PLXNA4: variants seen among roughly 807,000 people sequenced by gnomAD.
PLXNA4 encodes plexin A4.
Under a neutral mutation model 191.8 loss-of-function variants are expected in PLXNA4, and 44 were observed. The observed-to-expected ratio is 0.23, with a 90% CI of 0.18 to 0.29. PLXNA4 has a LOEUF of 0.29. Ranked by LOEUF, PLXNA4 falls within the 10% of genes least tolerant of loss-of-function variation. The pLI is 1.00. For synonymous variants in PLXNA4, 1,082 were observed against 1,009.5 expected (o/e 1.07, Z -1.36); for missense variants, 1,800 against 2,488.8 (o/e 0.72, Z 5.89).
intron 1 of PLXNA4, among the ~76,000 whole-genome samples, chr7:132,514,761 T>C (rs1178468448): frequency 6.6e-6 from 1 of 151,848 alleles, no homozygotes; most frequent in Non-Finnish European, 1.5e-5. Flanking sequence ...GCCTCCAAAA[T>C]TGTGTGAGCC....
At chr7:132,501,344 G>C (rs1367545486) in intron 2 of PLXNA4, among the ~76,000 whole-genome samples, 2 of 152,196 alleles carry the variant, frequency 1.3e-5, no homozygotes, top group African/African-American at 4.8e-5. Flanking sequence ...GTACGCCACT[G>C]TGCTCGGGCT....
At chr7:132,160,320 T>C (rs1795912434) in intron 24 of PLXNA4, among the ~76,000 whole-genome samples, 1 of 152,232 alleles carries the variant, frequency 6.6e-6, no homozygotes, top group African/African-American at 2.4e-5. Flanking sequence ...ATAGGGCCCC[T>C]GTGTTGGGGG....
intron 3 of PLXNA4, among the ~76,000 whole-genome samples, chr7:132,488,166 C>T (rs1444648656): frequency 6.6e-6 from 1 of 152,214 alleles, no homozygotes. Context: ...TCCCAAGTCA[C>T]AAACACACTC....
chr7:132,213,586 A>G (rs1204786000), intron 9 of PLXNA4, among the ~76,000 whole-genome samples: 2 of 152,164 alleles, frequency 1.3e-5, no homozygotes, highest in Non-Finnish European at 2.9e-5. Flanking sequence ...TACTCTAGCA[A>G]GGTGGGAATG....
At chr7:132,272,650 CAA>C (rs1407022292) in intron 4 of PLXNA4, among the ~76,000 whole-genome samples, 1 of 152,110 alleles carries the variant, frequency 6.6e-6, no homozygotes, top group Non-Finnish European at 1.5e-5. Flanking sequence ...AATTGTTGCC[CAA>C]CTCTTCAGTC....
At chr7:132,178,453 C>T (rs1796549776) in intron 20 of PLXNA4, among the ~76,000 whole-genome samples, 1 of 152,184 alleles carries the variant, frequency 6.6e-6, no homozygotes, top group African/African-American at 2.4e-5. Flanking sequence ...CACCAAGCGC[C>T]TCCAACATTC....
At chr7:132,247,433 C>A (rs1411256375) in intron 4 of PLXNA4, among the ~76,000 whole-genome samples, 1 of 152,146 alleles carries the variant, frequency 6.6e-6, no homozygotes, top group East Asian at 1.9e-4. Flanking sequence ...CAAGATGACC[C>A]ATTAAGAAAC....
chr7:132,347,888 C>T (rs1447561879), intron 3 of PLXNA4, among the ~76,000 whole-genome samples: 3 of 152,170 alleles, frequency 2.0e-5, no homozygotes, highest in South Asian at 2.1e-4. Flanking sequence ...ATGCTACCAG[C>T]GTGTTCATTG....
At chr7:132,282,947 G>A (rs999867824) in intron 4 of PLXNA4, among the ~76,000 whole-genome samples, 1 of 152,056 alleles carries the variant, frequency 6.6e-6, no homozygotes, top group African/African-American at 2.4e-5. Context: ...CACCATCACA[G>A]CTCACTGCAG....
At chr7:132,268,361 A>G (rs1799933044) in intron 4 of PLXNA4, among the ~76,000 whole-genome samples, 1 of 152,232 alleles carries the variant, frequency 6.6e-6, no homozygotes, top group Non-Finnish European at 1.5e-5. Context: ...AATACCATGC[A>G]TGACAGTTTC....
rs749077447 is a variant in PLXNA4, at chr7:132,129,675, A to G, written c.*804T>C. On this transcript the variant is annotated 3_prime_UTR_variant, in exon 32 of 32. Transcript: ENST00000321063. ...CTCTTTCCTTTTCTCCCCCTGTGTT[A>G]CATTTCTGCTACTAGGATTCAGATG... The G allele has an allele frequency of 2.6e-5, 4 of 152,620 alleles. No individual in the cohort carries two copies. Among genetic ancestry groups the G allele is most frequent in the Non-Finnish European group, 5.9e-5 (4 of 68,036 alleles). 9.5% of individuals were successfully genotyped at this position (152,620 alleles called of 1,614,324 possible). A position where few individuals can be genotyped will look rare whatever the true frequency, so the allele number is the denominator to read the frequency against.
At chr7:132,183,223 C>T (rs771269617) in intron 16 of PLXNA4, among the ~76,000 whole-genome samples, 3 of 152,134 alleles carry the variant, frequency 2.0e-5, no homozygotes, top group Non-Finnish European at 2.9e-5. Context: ...CACGCATGTG[C>T]GTGCACACAC....
intron 1 of PLXNA4, among the ~76,000 whole-genome samples, chr7:132,562,738 TCTCCTC>T (rs1460927794): frequency 1.5e-5 from 1 of 68,594 alleles, no homozygotes; most frequent in African/African-American, 6.4e-5. Context: ...TCCTCCTCCT[TCTCCTC>T]CTCCTTCTCC....
intron 2 of PLXNA4, among the ~76,000 whole-genome samples, chr7:132,612,939 A>T (rs1468692591): frequency 1.3e-5 from 2 of 152,140 alleles, no homozygotes; most frequent in African/African-American, 4.8e-5. Context: ...TCGTAAGAAT[A>T]TATATACATT....
In PLXNA4 at chr7:132,508,989, C is replaced by T. The variant is rs535115808; in HGVS notation, c.-86-210G>A. Among the ~76,000 whole-genome samples the T allele has an allele frequency of 5.4e-5, 8 of 146,832 alleles. No individual in the cohort carries two copies. In the South Asian group the frequency reaches 6.9e-4, roughly 13 times the overall value. On this transcript the variant is annotated intron_variant, in intron 1 of 31. Transcript: ENST00000321063. The surrounding 1 kb of genome is among the most constrained non-coding windows in gnomAD (Gnocchi z 4.4). The stretch of plus-strand genomic sequence containing the variant: ...CAGCCCCAGGAGGACACATCAGTAA[C>T]GATAATGGTGGTGATGATAATGACA...
intron 2 of PLXNA4, among the ~76,000 whole-genome samples, chr7:132,635,309 C>A (rs996293399): frequency 4.0e-5 from 6 of 151,702 alleles, no homozygotes; most frequent in African/African-American, 1.5e-4. Flanking sequence ...TCATAGCGTA[C>A]TTAGTTTTGC....
Position 132,349,808 on chromosome 7 carries a change from C to G in PLXNA4, c.1372-51586G>C, listed in dbSNP as rs150145503. Among the ~76,000 whole-genome samples, 1,103 of 152,262 alleles carry G rather than the reference C, an allele frequency of 7.2e-3. 9 individuals are homozygous for G. The highest frequency in any genetic ancestry group is 0.025 in the African/African-American group (1,043 of 41,554). Reference sequence around the variant, plus strand: ...ATAAAAAAAAATAAAACTCCAATTTCTGTATCTTGCCATCAAATGCCCTTT... The same window carrying G: ...ATAAAAAAAAATAAAACTCCAATTTGTGTATCTTGCCATCAAATGCCCTTT... On this transcript the variant is annotated intron_variant, in intron 3 of 31. Coordinates refer to ENST00000321063, the MANE Select transcript of PLXNA4 (RefSeq NM_020911.2).
intron 2 of PLXNA4, among the ~76,000 whole-genome samples, chr7:132,500,603 AG>A (rs113828575): frequency 2.6e-5 from 4 of 152,072 alleles, no homozygotes; most frequent in African/African-American, 7.2e-5. Context: ...GTATTGGTGA[AG>A]GAAAAAAAAT....
chr7:132,371,441 T>A (rs1804435199), intron 3 of PLXNA4, among the ~76,000 whole-genome samples: 1 of 152,188 alleles, frequency 6.6e-6, no homozygotes, highest in South Asian at 2.1e-4. Context: ...AATCACTTCT[T>A]GTGAGAGTTT....
Sources: allele counts gnomAD v4.1 joint callset (sites outside exome capture counted in the v4.1 genomes callset), GRCh38; gene constraint gnomAD v4.1.1; non-coding constraint Gnocchi (gnomAD v3.1); transcripts MANE v1.5; gene names NCBI Gene and HGNC (gene_info 2026-07-23, HGNC 2026-07-21).